The following MYOF variants were observed in gnomAD, a reference collection of about 807,000 sequenced individuals.
MYOF encodes the protein fer-1-like 3, myoferlin.
A neutral mutation model predicts 284.2 loss-of-function variants in MYOF; 244 were observed. The ratio of observed to expected loss-of-function variants is 0.86; its 90% CI spans 0.77 to 0.95. The LOEUF (loss-of-function observed/expected upper bound fraction) is 0.95. Ranked by LOEUF, MYOF falls within the 40% of genes least tolerant of loss-of-function variation. The pLI is 0.00. For synonymous variants in MYOF, 904 were observed against 919.7 expected, an observed-to-expected ratio of 0.98 and a Z score of 0.31; for missense variants, 2,496 against 2,560.6, an observed-to-expected ratio of 0.97 and a Z score of 0.54.
chr10:93,463,394 A>AATT (rs34592074), intron 1 of MYOF, among the ~76,000 whole-genome samples: 21,519 of 79,006 alleles, frequency 0.27, 4,302 homozygotes, highest in East Asian at 0.73. Flanking sequence ...GTCTCTACAA[A>AATT]TTTTTTTTTT....
At chr10:93,327,372 G>A (rs1050481341) in intron 45 of MYOF, among the ~76,000 whole-genome samples, 1 of 152,032 alleles carries the variant, frequency 6.6e-6, no homozygotes, top group Non-Finnish European at 1.5e-5. Flanking sequence ...AATAGCAAAG[G>A]GACCAGAACT....
Position 93,306,912 on chromosome 10 carries a change from G to T in MYOF, c.*51C>A. On this transcript the variant is annotated 3_prime_UTR_variant, in exon 54 of 54. Coordinates refer to ENST00000359263, the MANE Select transcript of MYOF (RefSeq NM_013451.4). ...TCACACTGGATGTTGGTCTACAGAG[G>T]CAGGATTCTCTCATTGCTGGATGAC... is the stretch of plus-strand genomic sequence containing the variant. The T allele has an allele frequency of 1.9e-6, 3 of 1,576,362 alleles. No homozygotes were observed. Among genetic ancestry groups the T allele is most frequent in the Non-Finnish European group, 2.6e-6 (3 of 1,146,484 alleles).
In MYOF at chr10:93,340,145, A is replaced by G. The variant is rs781097272; in HGVS notation, c.4338+8T>C. 3 of 1,613,920 alleles carry G rather than the reference A, an allele frequency of 1.9e-6. No individual in the cohort carries two copies. Among genetic ancestry groups the G allele is most frequent in the Admixed American group, 3.3e-5 (2 of 60,018 alleles). ...TCTTAAATGTAGCAAAATGTATACC[A>G]TAGTTACCTTTTCTGTCAGCTGCTC... On this transcript the variant is annotated splice_region_variant and intron_variant, in intron 39 of 53. Coordinates refer to ENST00000359263, the MANE Select transcript of MYOF (RefSeq NM_013451.4).
At chr10:93,387,751 AG>A in intron 19 of MYOF, 45 bp downstream of exon 19, 1 of 1,519,498 alleles carries the variant, frequency 6.6e-7, no homozygotes, top group South Asian at 1.1e-5. Flanking sequence ...CAGTCCCTGG[AG>A]GTCTCCTTTT....
intron 25 of MYOF, among the ~76,000 whole-genome samples, chr10:93,367,028 T>G (rs1845358014): frequency 6.6e-6 from 1 of 152,184 alleles, no homozygotes; most frequent in Non-Finnish European, 1.5e-5. Context: ...GTAGAAACAA[T>G]ATACAATTAA....
chr10:93,310,694 T>A (rs768373987), intron 51 of MYOF, 51 bp from the exon 52 acceptor site: 2 of 1,538,902 alleles, frequency 1.3e-6, no homozygotes, highest in Non-Finnish European at 1.8e-6. Flanking sequence ...TTCACAAATA[T>A]TTTTACTTCA....
intron 5 of MYOF, among the ~76,000 whole-genome samples, chr10:93,422,122 C>T (rs984323432): frequency 1.3e-5 from 2 of 152,142 alleles, no homozygotes; most frequent in African/African-American, 4.8e-5. Context: ...AGACTTTTGG[C>T]TAAGATCAAA....
intron 37 of MYOF, among the ~76,000 whole-genome samples, chr10:93,345,236 C>G (rs1447602406): frequency 6.6e-6 from 1 of 152,208 alleles, no homozygotes; most frequent in Non-Finnish European, 1.5e-5. Flanking sequence ...ACTTACATGA[C>G]CTCACTTAGT....
At chr10:93,451,925 T>C in intron 3 of MYOF, 125 bp downstream of exon 3, 1 of 753,268 alleles carries the variant, frequency 1.3e-6, no homozygotes, top group Non-Finnish European at 2.3e-6. Context: ...GAGCGGGGCA[T>C]GGAATTAAAG....
At chr10:93,389,458 G>A (rs113954258) in intron 17 of MYOF, among the ~76,000 whole-genome samples, 4 of 152,066 alleles carry the variant, frequency 2.6e-5, no homozygotes, top group African/African-American at 9.6e-5. Flanking sequence ...GTTTATAATG[G>A]GCATTGTATT....
chr10:93,410,233 G>A (rs1451664779), intron 5 of MYOF, among the ~76,000 whole-genome samples: 2 of 152,130 alleles, frequency 1.3e-5, no homozygotes, highest in Non-Finnish European at 2.9e-5. Context: ...CCTAATGGCA[G>A]AAGAGAAACT....
chr10:93,477,071 C>T (rs2057279283), intron 1 of MYOF, among the ~76,000 whole-genome samples: 1 of 152,064 alleles, frequency 6.6e-6, no homozygotes, highest in African/African-American at 2.4e-5. Context: ...TGTAAAGGCA[C>T]AATAATATAA....
In MYOF at chr10:93,447,369, G is replaced by A. The variant is rs139293777; in HGVS notation, c.236+4681C>T. 5.0e-3 allele frequency among the ~76,000 whole-genome samples: 753 copies of A among 152,118 alleles called. 7 individuals carry two copies. The highest frequency in any genetic ancestry group is 0.017 in the African/African-American group (705 of 41,480). ...AAGCACGTCCAGGAATGCACTTACC[G>A]ATAAGACATTGAGGCAAGCTGCACC... On this transcript the variant is annotated intron_variant, in intron 3 of 53. Transcript: ENST00000359263.
At chr10:93,383,836 A>T (rs1357762590) in intron 19 of MYOF, among the ~76,000 whole-genome samples, 1 of 152,172 alleles carries the variant, frequency 6.6e-6, no homozygotes, top group African/African-American at 2.4e-5. Context: ...GAGAAGGATC[A>T]TGGGGAGGCT....
In MYOF at chr10:93,353,860, A is replaced by G. The variant is rs12267946; in HGVS notation, c.3432T>C (p.Tyr1144=). The change falls in exon 32 of 54, where the codon TAT becomes TAC. Residue 1144 remains tyrosine, a synonymous_variant. Transcript: ENST00000359263. ...CCAAGAGGTTTCTGGCTTGATAGAC[A>G]TAGCAGCGCAGATGGTAGATGTAGA... ...DRVYIYHLRC[Y]VYQARNLLAL... is the part of the protein sequence containing the mutation. The G allele has an allele frequency of 0.012, 19,808 of 1,611,036 alleles. 858 individuals carry two copies. In the African/African-American group the frequency reaches 0.15, roughly 12 times the overall value.
At chr10:93,349,666 G>T in intron 36 of MYOF, 142 bp downstream of exon 36, 1 of 969,592 alleles carries the variant, frequency 1.0e-6, no homozygotes, top group Non-Finnish European at 1.5e-6. Flanking sequence ...AGGGGAAAAA[G>T]TCACTGACAA....
intron 21 of MYOF, 94 bp from the exon 22 acceptor site, chr10:93,377,523 T>C (rs1376383091): frequency 1.1e-5 from 10 of 901,502 alleles, no homozygotes; most frequent in African/African-American, 1.7e-5. Context: ...CATGTAAATA[T>C]TTTTGTATAT....
intron 3 of MYOF, among the ~76,000 whole-genome samples, chr10:93,441,997 A>AACACACACACAC (rs34488205): frequency 1.6e-3 from 217 of 133,046 alleles, no homozygotes; most frequent in African/African-American, 5.1e-3. Context: ...CCTCAACCTG[A>AACACACACACAC]ACACACACAC....
rs183770437 is a variant in MYOF, at chr10:93,405,425, A to G, written c.730-1206T>C. ...CTATATAAAAATATAGAACAGTGCT[A>G]TTTCCTTTTTTGTTTCTTGTGTTTT... On this transcript the variant is annotated intron_variant, in intron 7 of 53. Transcript: ENST00000359263. Among the ~76,000 whole-genome samples the G allele has an allele frequency of 2.0e-3, 311 of 152,220 alleles. 1 individual carries two copies. The highest frequency in any genetic ancestry group is 7.2e-3 in the African/African-American group (299 of 41,546).
Sources: gnomAD v4.1 joint callset for allele counts (sites outside exome capture counted in the v4.1 genomes callset) on GRCh38, gnomAD v4.1.1 for gene constraint, MANE v1.5 for transcripts, NCBI Gene and HGNC (gene_info 2026-07-23, HGNC 2026-07-21) for gene names.